The following CR2 variants were observed in gnomAD, a reference collection of about 807,000 sequenced individuals.
CR2 encodes complement C3d receptor 2.
In CR2, 96 loss-of-function variants were observed where a neutral mutation model predicts 123.0. The ratio of observed to expected loss-of-function variants is 0.78; its 90% CI spans 0.66 to 0.93. CR2 has a LOEUF of 0.93. CR2 is among the 40% of genes least tolerant of loss of function. The probability of loss-of-function intolerance (pLI) is 0.00; values close to 1 mark genes in which losing one functional copy is unlikely to be tolerated. For missense variants in CR2, 1,258 were observed against 1,361.0 expected, an observed-to-expected ratio of 0.92 and a Z score of 1.19; for synonymous variants, 484 against 469.5, an observed-to-expected ratio of 1.03 and a Z score of -0.40.
Position 207,469,989 on chromosome 1 carries a change from A to C in CR2, c.1112A>C (p.Tyr371Ser). 3.1e-6 allele frequency: 5 copies of C among 1,614,022 alleles called. No homozygotes were observed. Among genetic ancestry groups the C allele is most frequent in the Non-Finnish European group, 4.2e-6 (5 of 1,179,926 alleles). Residue 371 changes from tyrosine to serine, a missense_variant, in exon 6 of 20, where the codon TAT becomes TCT. Transcript: ENST00000367057. ...MVSGQKDRYT[Y>S]NDTVIFACMF... ...TCTGGGCAGAAAGATCGATATACCTATAACGACACTGTGATATTTGCTTGC... is the reference window on the plus strand; with the variant it reads ...TCTGGGCAGAAAGATCGATATACCTCTAACGACACTGTGATATTTGCTTGC...
intron 17 of CR2, 66 bp downstream of exon 17, chr1:207,479,346 G>A (rs980321104): frequency 8.9e-7 from 1 of 1,119,424 alleles, no homozygotes; most frequent in Non-Finnish European, 1.3e-6. Flanking sequence ...TAATGCTAGA[G>A]GTCCTATATC....
rs753082325 is a variant in CR2, at chr1:207,472,845, T to C, written c.1644T>C (p.Tyr548=). 3 of 1,614,056 alleles carry C rather than the reference T, an allele frequency of 1.9e-6. No individual in the cohort carries two copies. Among genetic ancestry groups the C allele is most frequent in the Non-Finnish European group, 2.5e-6 (3 of 1,179,956 alleles). The change falls in exon 10 of 20, where the codon TAT becomes TAC. Residue 548 remains tyrosine (Y), a synonymous_variant. Transcript: ENST00000367057. ...GGAGTTCCTTAGAAGATTTTCCATA[T>C]GGAACCACGGTCACTTACACATGTA... is the stretch of plus-strand genomic sequence containing the variant. ...HTGSSLEDFP[Y]GTTVTYTCNP...
Position 207,486,651 on chromosome 1 carries a change from T to C in CR2, c.*18+1079T>C, listed in dbSNP as rs568170805. Among the ~76,000 whole-genome samples, 4 of 152,140 alleles carry C rather than the reference T, an allele frequency of 2.6e-5. No individual in the cohort carries two copies. In the South Asian group the frequency reaches 8.3e-4, roughly 32 times the overall value. On this transcript the variant is annotated intron_variant, in intron 19 of 19. Transcript: ENST00000367057. ...CTGCTGCAATCATCCAGGCAAGAAA[T>C]TGTCAGTGGCTACCACCAGGTTGTA...
Position 207,485,458 on chromosome 1 carries a change from G to C in CR2, c.3189-6G>C. ...ATATTACATTTTTCTTTCTTCTTCT[G>C]TTTAGCAATTATTATACAGATACAA... On this transcript the variant is annotated splice_polypyrimidine_tract_variant and splice_region_variant and intron_variant, in intron 18 of 19. Coordinates refer to ENST00000367057, the MANE Select transcript of CR2 (RefSeq NM_001006658.3). 1 of 1,566,736 alleles carries C rather than the reference G, an allele frequency of 6.4e-7. No individual in the cohort carries two copies. The highest frequency in any genetic ancestry group is 8.8e-7 in the Non-Finnish European group (1 of 1,137,114).
In CR2 at chr1:207,474,849, G is replaced by T; in HGVS notation, c.2349G>T (p.Val783=). ...CKVIHCHPPP[V]IVNGKHTGMM... is the part of the protein sequence containing the mutation. Reference sequence around the variant, plus strand: ...TTATTCACTGTCACCCTCCACCAGTGATTGTCAATGGGAAGCACACAGGCA... The same window carrying T: ...TTATTCACTGTCACCCTCCACCAGTTATTGTCAATGGGAAGCACACAGGCA... The change falls in exon 14 of 20, where the codon GTG becomes GTT. Residue 783 remains valine, a synonymous_variant. Coordinates refer to ENST00000367057, the MANE Select transcript of CR2 (RefSeq NM_001006658.3). 6.2e-7 allele frequency: 1 copy of T among 1,614,054 alleles called. No homozygotes were observed. The highest frequency in any genetic ancestry group is 8.5e-7 in the Non-Finnish European group (1 of 1,179,940).
At position 207,475,180 on chromosome 1, in the gene CR2, A is replaced by G. The variant is rs1367099391; in HGVS notation, c.2680A>G (p.Thr894Ala). ...SRVIRCHTDN[T>A]WVPGVPTCIK... ...CGTGATTAGGTGTCATACTGATAAC[A>G]CATGGGTGCCAGGTGTGCCAACTTG... is the stretch of plus-strand genomic sequence containing the variant. Residue 894 changes from threonine to alanine, a missense_variant, in exon 14 of 20, where the codon ACA becomes GCA. Transcript: ENST00000367057. 1.2e-6 allele frequency: 2 copies of G among 1,613,908 alleles called. No individual in the cohort carries two copies. The highest frequency in any genetic ancestry group is 1.7e-6 in the Non-Finnish European group (2 of 1,179,900).
At chr1:207,478,130 G>GT in intron 16 of CR2, 60 bp downstream of exon 16, 2 of 1,546,126 alleles carry the variant, frequency 1.3e-6, no homozygotes, top group Non-Finnish European at 1.8e-6. Flanking sequence ...GAGAGTGAGA[G>GT]TTTCCCTCAG....
Position 207,475,142 on chromosome 1 carries a change from T to G in CR2, c.2642T>G (p.Met881Arg). The change falls in exon 14 of 20, where the codon ATG becomes AGG. Residue 881 changes from methionine to arginine, a missense_variant. Transcript: ENST00000367057. Reference sequence around the variant, plus strand: ...GTTGACTGCAATCCTGGCTTCATCATGAATGGTAGTCGCGTGATTAGGTGT... The same window carrying G: ...GTTGACTGCAATCCTGGCTTCATCAGGAATGGTAGTCGCGTGATTAGGTGT... ...VYVDCNPGFIMNGSRVIRCHT... is the reference protein window; with the variant it reads ...VYVDCNPGFIRNGSRVIRCHT... 6.2e-7 allele frequency: 1 copy of G among 1,612,770 alleles called. No individual in the cohort carries two copies.
At chr1:207,474,353 T>A (rs750526427) in intron 13 of CR2, 30 bp downstream of exon 13, 9 of 1,496,586 alleles carry the variant, frequency 6.0e-6, no homozygotes, top group Non-Finnish European at 8.4e-6. Flanking sequence ...AGCCTGACAA[T>A]GGTAATGGAG....
At chr1:207,480,088 T>C (rs769902114) in intron 18 of CR2, 35 bp downstream of exon 18, 18 of 1,502,536 alleles carry the variant, frequency 1.2e-5, no homozygotes, top group Non-Finnish European at 1.7e-5. Flanking sequence ...TTGACCAACA[T>C]GCACAAGTGG....
chr1:207,467,115 G>C (rs1226431875), intron 2 of CR2, among the ~76,000 whole-genome samples: 1 of 152,198 alleles, frequency 6.6e-6, no homozygotes, highest in Non-Finnish European at 1.5e-5. Flanking sequence ...GAGCAAAGGA[G>C]TTTAAAGTAC....
intron 18 of CR2, among the ~76,000 whole-genome samples, chr1:207,484,988 C>G (rs1426906698): frequency 1.3e-5 from 2 of 152,212 alleles, no homozygotes; most frequent in Non-Finnish European, 2.9e-5. Flanking sequence ...GACTTGAACA[C>G]TTACAAGCCT....
Position 207,472,756 on chromosome 1 carries a change from C to A in CR2, c.1571-16C>A, listed in dbSNP as rs371272854. On this transcript the variant is annotated splice_polypyrimidine_tract_variant and intron_variant, in intron 9 of 19. Coordinates refer to ENST00000367057, the MANE Select transcript of CR2 (RefSeq NM_001006658.3). ...ATACAGGAACTCAATTCTACAGTAT[C>A]TTTTCATCTCTCTAGAAATCACCTG... 12 of 1,612,230 alleles carry A rather than the reference C, an allele frequency of 7.4e-6. No individual in the cohort carries two copies. Among genetic ancestry groups the A allele is most frequent in the Non-Finnish European group, 1.0e-5 (12 of 1,179,108 alleles).
intron 2 of CR2, among the ~76,000 whole-genome samples, chr1:207,467,630 G>C (rs1205713467): frequency 6.6e-6 from 1 of 152,106 alleles, no homozygotes; most frequent in Non-Finnish European, 1.5e-5. Flanking sequence ...AGATTAAAGA[G>C]CTGACAAAAC....
rs2102308649 is a variant in CR2, at chr1:207,476,320, A to G, written c.2803A>G (p.Ile935Val). The G allele has an allele frequency of 6.2e-7, 1 of 1,613,982 alleles. No homozygotes were observed. The highest frequency in any genetic ancestry group is 8.5e-7 in the Non-Finnish European group (1 of 1,179,924). The change falls in exon 15 of 20, where the codon ATC (isoleucine) becomes GTC (valine). Residue 935 changes from isoleucine to valine, a missense_variant. By Grantham distance (29) the Ile-to-Val change is conservative. Coordinates refer to ENST00000367057, the MANE Select transcript of CR2 (RefSeq NM_001006658.3). ...AGCTCGATTTTCTCCTGGAATGTCA[A>G]TCCTGTACAGCTGTGACCAAGGCTA... ...NIARFSPGMSILYSCDQGYLL... is the reference protein window; with the variant it reads ...NIARFSPGMSVLYSCDQGYLL...
chr1:207,480,095 G>A (rs773423699), intron 18 of CR2, 42 bp downstream of exon 18: 2 of 1,460,494 alleles, frequency 1.4e-6, no homozygotes, highest in Non-Finnish European at 1.9e-6. Flanking sequence ...ACATGCACAA[G>A]TGGTTTCGGC....
Position 207,489,858 on chromosome 1 carries a change from GTCAT to G in CR2, c.*739_*742del, listed in dbSNP as rs1658840279. On this transcript the variant is annotated 3_prime_UTR_variant, in exon 20 of 20. Coordinates refer to ENST00000367057, the MANE Select transcript of CR2 (RefSeq NM_001006658.3). ...ATTTCACTTAATAATGTGTACATTA[GTCAT>G]TCAATAAATTGTAATTGTAAAGAAA... is the stretch of plus-strand genomic sequence containing the variant. 1 of 151,760 alleles carries G rather than the reference GTCAT, an allele frequency of 6.6e-6. No homozygotes were observed. The highest frequency in any genetic ancestry group is 6.6e-5 in the Admixed American group (1 of 15,234). The allele number at this position is 151,760 out of a possible 1,614,324, so 9.4% of individuals were successfully genotyped here.
chr1:207,473,484 T>TA, intron 10 of CR2, 61 bp from the exon 11 acceptor site: 1 of 1,503,842 alleles, frequency 6.6e-7, no homozygotes, highest in South Asian at 1.1e-5. Context: ...GTTGTACACT[T>TA]AGTGTTCTTG....
chr1:207,468,641 ACTTG>A lies in CR2; in HGVS notation c.565_568del (p.Val190GlufsTer28). The A allele has an allele frequency of 6.2e-7, 1 of 1,614,062 alleles. No homozygotes were observed. Among genetic ancestry groups the A allele is most frequent in the Non-Finnish European group, 8.5e-7 (1 of 1,179,978 alleles). ...GTGACTTACAGCTGTGAATCTGGTT[ACTTG>A]CTTGTTGGAGAAAAGATCATTAACT... On this transcript the variant is annotated frameshift_variant, in exon 3 of 20. Transcript: ENST00000367057. LOFTEE classifies it high-confidence loss of function.
Sources: allele counts gnomAD v4.1 joint callset (sites outside exome capture counted in the v4.1 genomes callset), GRCh38; gene constraint gnomAD v4.1.1; transcripts MANE v1.5; gene names NCBI Gene and HGNC (gene_info 2026-07-23, HGNC 2026-07-21).